The following ELMO1 variants were observed in gnomAD, a reference collection of about 807,000 sequenced individuals.
ELMO1 encodes engulfment and cell motility protein 1.
Under a neutral mutation model 98.9 loss-of-function variants are expected in ELMO1, and 26 were observed. The observed-to-expected ratio is 0.26, with a 90% CI of 0.19 to 0.36. ELMO1 has a LOEUF of 0.36. ELMO1 is among the 10% of genes least tolerant of loss of function. ELMO1 has a pLI of 1.00. For synonymous variants in ELMO1, 346 were observed against 346.0 expected (o/e 1.00, Z 0.00); for missense variants, 627 against 935.2 (o/e 0.67, Z 4.30).
intron 1 of ELMO1, among the ~76,000 whole-genome samples, chr7:37,424,060 T>G (rs1259681687): frequency 6.6e-6 from 1 of 152,092 alleles, no homozygotes; most frequent in Non-Finnish European, 1.5e-5. Context: ...CAAGGTCCAG[T>G]GGGGCACTTG....
intron 14 of ELMO1, among the ~76,000 whole-genome samples, chr7:37,109,626 T>G (rs1348625612): frequency 6.6e-6 from 1 of 151,918 alleles, no homozygotes; most frequent in Non-Finnish European, 1.5e-5. Context: ...CATGTTGGAG[T>G]GCAGAAAAGG....
intron 15 of ELMO1, among the ~76,000 whole-genome samples, chr7:37,047,706 TG>T (rs759184011): frequency 4.1e-4 from 62 of 152,310 alleles, no homozygotes; most frequent in Non-Finnish European, 6.5e-4. Flanking sequence ...GTGTATGCAT[TG>T]GAAAGGCTTT....
intron 16 of ELMO1, among the ~76,000 whole-genome samples, chr7:36,995,392 C>A (rs1470852711): frequency 1.3e-4 from 19 of 151,976 alleles, no homozygotes; most frequent in Admixed American, 1.2e-3. Context: ...CCTTTAGTCC[C>A]AGCTACTTGG....
chr7:37,032,572 C>T (rs1430793418), intron 15 of ELMO1, among the ~76,000 whole-genome samples: 1 of 152,194 alleles, frequency 6.6e-6, no homozygotes, highest in Non-Finnish European at 1.5e-5. Flanking sequence ...AGATCATCCT[C>T]TCTTGGTTAT....
intron 12 of ELMO1, among the ~76,000 whole-genome samples, chr7:37,212,621 G>A (rs1224807646): frequency 1.3e-5 from 2 of 152,184 alleles, no homozygotes; most frequent in African/African-American, 4.8e-5. Flanking sequence ...CATGAATGAA[G>A]TGCCACGGCA....
At chr7:36,859,192 T>G (rs894740001) in intron 21 of ELMO1, among the ~76,000 whole-genome samples, 11 of 152,166 alleles carry the variant, frequency 7.2e-5, no homozygotes, top group African/African-American at 2.7e-4. Context: ...GCATTCTGAC[T>G]TGAACAAAGT....
chr7:37,262,794 C>T (rs1796040409), intron 5 of ELMO1, among the ~76,000 whole-genome samples: 1 of 152,210 alleles, frequency 6.6e-6, no homozygotes, highest in Admixed American at 6.5e-5. Flanking sequence ...CTACTTACAT[C>T]TCTGCCATTG....
chr7:37,341,174 T>G (rs1800696659), intron 2 of ELMO1, among the ~76,000 whole-genome samples: 1 of 152,128 alleles, frequency 6.6e-6, no homozygotes, highest in Admixed American at 6.5e-5. Context: ...CTCCACAGAT[T>G]GAGAAGGGCA....
intron 8 of ELMO1, among the ~76,000 whole-genome samples, chr7:37,225,488 A>C (rs1235408185): frequency 3.9e-5 from 6 of 152,138 alleles, no homozygotes; most frequent in Non-Finnish European, 8.8e-5. Flanking sequence ...TTCTTGTTGC[A>C]TTCTTAAGGG....
intron 1 of ELMO1, among the ~76,000 whole-genome samples, chr7:37,433,537 C>T (rs1805020367): frequency 6.6e-6 from 1 of 152,106 alleles, no homozygotes; most frequent in Non-Finnish European, 1.5e-5. Flanking sequence ...ACACCTCTGG[C>T]ATGACTTCTC....
At chr7:37,423,441 G>A (rs746085256) in intron 1 of ELMO1, among the ~76,000 whole-genome samples, 10 of 152,224 alleles carry the variant, frequency 6.6e-5, no homozygotes, top group Admixed American at 2.6e-4. Flanking sequence ...TTAGCCAGGC[G>A]CAGCGGTGGC....
chr7:37,251,901 A>G (rs767321798), intron 6 of ELMO1, among the ~76,000 whole-genome samples: 9 of 152,250 alleles, frequency 5.9e-5, no homozygotes, highest in Non-Finnish European at 1.0e-4. Context: ...TACAAAATCA[A>G]TGTGCAAAAA....
At chr7:36,907,896 C>T (rs1431659810) in intron 16 of ELMO1, among the ~76,000 whole-genome samples, 1 of 152,218 alleles carries the variant, frequency 6.6e-6, no homozygotes, top group Non-Finnish European at 1.5e-5. Context: ...TGGCACTATC[C>T]TCCATCTCCT....
At chr7:37,366,306 C>A (rs895208434) in intron 1 of ELMO1, among the ~76,000 whole-genome samples, 2 of 151,992 alleles carry the variant, frequency 1.3e-5, no homozygotes, top group African/African-American at 2.4e-5. Context: ...TATTAATAAT[C>A]GTTTTATATC....
intron 16 of ELMO1, among the ~76,000 whole-genome samples, chr7:37,001,030 G>C (rs1792634520): frequency 6.6e-6 from 1 of 152,004 alleles, no homozygotes; most frequent in Non-Finnish European, 1.5e-5. Context: ...TTTTGCAAAA[G>C]TTCAATGTCT....
intron 16 of ELMO1, among the ~76,000 whole-genome samples, chr7:36,924,657 C>T (rs535796634): frequency 5.5e-4 from 84 of 152,240 alleles, no homozygotes; most frequent in African/African-American, 1.9e-3. Flanking sequence ...ATGACAAGTA[C>T]AGTGTGCACT....
chr7:37,258,458 AG>A (rs1177312384), intron 6 of ELMO1, among the ~76,000 whole-genome samples: 3 of 151,968 alleles, frequency 2.0e-5, no homozygotes, highest in Admixed American at 6.6e-5. Context: ...AATAAGAGAG[AG>A]AGAGAGAGAT....
intron 14 of ELMO1, among the ~76,000 whole-genome samples, chr7:37,127,544 C>T (rs1786612530): frequency 6.6e-6 from 1 of 152,170 alleles, no homozygotes; most frequent in Non-Finnish European, 1.5e-5. Flanking sequence ...ATGGTGATAA[C>T]AATGCTTGTT....
At chr7:37,378,576 C>T (rs1267762228) in intron 1 of ELMO1, among the ~76,000 whole-genome samples, 1 of 151,830 alleles carries the variant, frequency 6.6e-6, no homozygotes, top group Non-Finnish European at 1.5e-5. Flanking sequence ...TTAAAAATTC[C>T]TACTGCCGTG....
Sources: allele counts gnomAD v4.1 joint callset (sites outside exome capture counted in the v4.1 genomes callset), GRCh38; gene constraint gnomAD v4.1.1; transcripts MANE v1.5; gene names NCBI Gene and HGNC (gene_info 2026-07-23, HGNC 2026-07-21).